Variants in TNFRSF10C observed in about 807,000 individuals in gnomAD.
TNFRSF10C encodes the protein TNF receptor superfamily member 10c, also known as tumor necrosis factor receptor superfamily member 10C.
In TNFRSF10C, 17 loss-of-function variants were observed where a neutral mutation model predicts 16.7. That is an observed-to-expected ratio of 1.02 (90% confidence interval 0.70 to 1.53). The LOEUF (loss-of-function observed/expected upper bound fraction) is 1.53. Ranked by LOEUF, TNFRSF10C falls within the 40% of genes most tolerant of loss-of-function variation. TNFRSF10C has a pLI of 0.00. For missense variants in TNFRSF10C, 237 were observed against 329.7 expected (o/e 0.72, Z 2.18); for synonymous variants, 73 against 119.7 (o/e 0.61, Z 2.55).
chr8:23,104,500 G>A (rs937534589), intron 1 of TNFRSF10C, among the ~76,000 whole-genome samples: 8 of 152,190 alleles, frequency 5.3e-5, no homozygotes, highest in Non-Finnish European at 8.8e-5. Context: ...AAATACCCTT[G>A]TATGTATCGT....
chr8:23,108,257 C>G (rs184776790), intron 1 of TNFRSF10C, among the ~76,000 whole-genome samples: 1 of 152,110 alleles, frequency 6.6e-6, no homozygotes, highest in Non-Finnish European at 1.5e-5. Context: ...AGAAACAGTA[C>G]GCAGCCGGAC....
At chr8:23,115,928 T>C (rs1304064809) in intron 4 of TNFRSF10C, among the ~76,000 whole-genome samples, 2 of 152,230 alleles carry the variant, frequency 1.3e-5, no homozygotes, top group African/African-American at 2.4e-5. Flanking sequence ...GGAAATGCGA[T>C]TTCCTTTTGA....
At chr8:23,114,479 G>T in intron 2 of TNFRSF10C, 178 bp from the exon 3 acceptor site, 1 of 456,038 alleles carries the variant, frequency 2.2e-6, no homozygotes, top group Admixed American at 3.8e-5. Context: ...TTATATTTCT[G>T]TCAGCAGTGC....
chr8:23,116,254 C>T (rs1813980335), intron 4 of TNFRSF10C, among the ~76,000 whole-genome samples: 1 of 152,212 alleles, frequency 6.6e-6, no homozygotes, highest in African/African-American at 2.4e-5. Flanking sequence ...AGGGAGGAAC[C>T]AGCAGACAGT....
intron 1 of TNFRSF10C, among the ~76,000 whole-genome samples, chr8:23,111,269 T>A (rs1385587202): frequency 6.6e-6 from 1 of 151,908 alleles, no homozygotes; most frequent in Non-Finnish European, 1.5e-5. Context: ...CACATTGGAG[T>A]GCAATGGCGC....
chr8:23,116,064 C>G (rs937071445), intron 4 of TNFRSF10C, among the ~76,000 whole-genome samples: 1 of 152,114 alleles, frequency 6.6e-6, no homozygotes, highest in Non-Finnish European at 1.5e-5. Context: ...TGGTCACGGC[C>G]GACAAAAGTC....
chr8:23,117,168 C>T lies in TNFRSF10C; in HGVS notation c.*137C>T, dbSNP rs1814007000. 1 of 1,338,866 alleles carries T rather than the reference C, an allele frequency of 7.5e-7. No homozygotes were observed. The highest frequency in any genetic ancestry group is 1.4e-5 in the South Asian group (1 of 71,126). The allele number at this position is 1,338,866 out of a possible 1,614,324, so 82.9% of individuals were successfully genotyped here. On this transcript the variant is annotated 3_prime_UTR_variant, in exon 5 of 5. Coordinates refer to ENST00000356864, the MANE Select transcript of TNFRSF10C (RefSeq NM_003841.5). The stretch of plus-strand genomic sequence containing the variant: ...CACAGACAGAAACGCCTGCCCCTGC[C>T]CCAAGTCCTGGTGTCTCCAGCCTGG...
intron 1 of TNFRSF10C, among the ~76,000 whole-genome samples, chr8:23,104,554 A>T (rs898782825): frequency 5.3e-4 from 80 of 152,262 alleles, no homozygotes; most frequent in African/African-American, 1.8e-3. Flanking sequence ...GCAACTCCTT[A>T]CAAGTTGAAT....
At chr8:23,103,945 AG>A (rs921936326) in intron 1 of TNFRSF10C, among the ~76,000 whole-genome samples, 1 of 152,234 alleles carries the variant, frequency 6.6e-6, no homozygotes, top group African/African-American at 2.4e-5. Flanking sequence ...TACAAAAAAA[AG>A]AAAAAAGAAA....
chr8:23,116,224 C>T (rs1014367062), intron 4 of TNFRSF10C, among the ~76,000 whole-genome samples: 6 of 152,190 alleles, frequency 3.9e-5, no homozygotes, highest in Non-Finnish European at 7.3e-5. Context: ...CTTCTCTGGC[C>T]CCCTAATGTT....
chr8:23,111,931 A>G (rs1184211390), intron 2 of TNFRSF10C, 106 bp downstream of exon 2: 9 of 1,162,084 alleles, frequency 7.7e-6, no homozygotes, highest in Non-Finnish European at 1.1e-5. Context: ...GCATTGTGGA[A>G]TGGCTAAATC....
rs139576559 is a variant in TNFRSF10C, at chr8:23,103,055, G to T, written c.-67G>T. 4 of 1,578,552 alleles carry T rather than the reference G, an allele frequency of 2.5e-6. No individual in the cohort carries two copies. In the South Asian group the frequency reaches 3.5e-5, roughly 14 times the overall value. ...CGTTAGGGAACTCTGGGGACAGAGCGCCCCGGCCGCCTGATGGCCGAGGCA... is the reference window on the plus strand; with the variant it reads ...CGTTAGGGAACTCTGGGGACAGAGCTCCCCGGCCGCCTGATGGCCGAGGCA... On this transcript the variant is annotated 5_prime_UTR_variant, in exon 1 of 5. Coordinates refer to ENST00000356864, the MANE Select transcript of TNFRSF10C (RefSeq NM_003841.5).
At chr8:23,103,342 C>T (rs1585244398) in intron 1 of TNFRSF10C, 161 bp downstream of exon 1, 1 of 1,341,440 alleles carries the variant, frequency 7.5e-7, no homozygotes, top group Non-Finnish European at 1.0e-6. Context: ...AGAACTGGGT[C>T]CCCGGGCTGG....
intron 1 of TNFRSF10C, among the ~76,000 whole-genome samples, chr8:23,108,176 CAGGAAGGAA>C (rs1464535217): frequency 1.3e-5 from 2 of 151,720 alleles, no homozygotes; most frequent in African/African-American, 4.8e-5. Flanking sequence ...AAGGAAGGAA[CAGGAAGGAA>C]AGGAAGGAAC....
intron 2 of TNFRSF10C, 79 bp downstream of exon 2, chr8:23,111,904 T>C: frequency 7.3e-7 from 1 of 1,371,628 alleles, no homozygotes; most frequent in Non-Finnish European, 1.0e-6. Context: ...TACACCATGA[T>C]GTTTTGAAAT....
In TNFRSF10C at chr8:23,103,159, T is replaced by C. The variant is rs1233266052; in HGVS notation, c.38T>C (p.Val13Ala). ...RIPKTLKFVV[V>A]IVAVLLPVLA... ...CCCAAGACCCTAAAGTTCGTCGTCG[T>C]CATCGTCGCGGTCCTGCTGCCAGTG... Residue 13 changes from valine to alanine, a missense_variant, in exon 1 of 5, where the codon GTC becomes GCC. By Grantham distance (64) the Val-to-Ala change is moderately conservative. This residue lies in a region of TNFRSF10C where 212 missense variants were observed against 196.8 expected (regional missense o/e 1.08). Coordinates refer to ENST00000356864, the MANE Select transcript of TNFRSF10C (RefSeq NM_003841.5). 1.2e-6 allele frequency: 2 copies of C among 1,612,044 alleles called. No individual in the cohort carries two copies. The highest frequency in any genetic ancestry group is 3.3e-5 in the Admixed American group (2 of 59,808).
intron 2 of TNFRSF10C, among the ~76,000 whole-genome samples, chr8:23,112,678 A>G (rs997830141): frequency 6.6e-6 from 1 of 152,224 alleles, no homozygotes; most frequent in South Asian, 2.1e-4. Context: ...ATAGTATTCC[A>G]TTGTATCTAT....
At chr8:23,116,257 C>G (rs74519278) in intron 4 of TNFRSF10C, among the ~76,000 whole-genome samples, 223 of 152,342 alleles carry the variant, frequency 1.5e-3, no homozygotes, top group Non-Finnish European at 1.6e-3. Flanking sequence ...GAGGAACCAG[C>G]AGACAGTTGG....
At position 23,115,633 on chromosome 8, in the gene TNFRSF10C, G is replaced by A; in HGVS notation, c.389+17G>A. On this transcript the variant is annotated intron_variant, in intron 4 of 4. Transcript: ENST00000356864. ...GTGTAGCAGGTGAGACAGCAGTCAG[G>A]GGCTCCTGACAGCTTTCAGGAACCC... 1.2e-6 allele frequency: 2 copies of A among 1,606,966 alleles called. No homozygotes were observed. Among genetic ancestry groups the A allele is most frequent in the Non-Finnish European group, 8.5e-7 (1 of 1,174,708 alleles).
Sources: allele counts gnomAD v4.1 joint callset (sites outside exome capture counted in the v4.1 genomes callset), GRCh38; gene constraint gnomAD v4.1.1; regional missense constraint gnomAD v4.1.1; transcripts MANE v1.5; gene names NCBI Gene and HGNC (gene_info 2026-07-23, HGNC 2026-07-21).